Variants in DOCK10 observed in about 807,000 individuals in gnomAD.
The protein encoded by DOCK10 is dedicator of cytokinesis protein 10.
Under a neutral mutation model 280.1 loss-of-function variants are expected in DOCK10, and 145 were observed. That is an observed-to-expected ratio of 0.52 (90% confidence interval 0.45 to 0.59). The LOEUF (loss-of-function observed/expected upper bound fraction) is 0.59, where lower values mean the gene tolerates loss of function less well. Among genes scored for constraint, DOCK10 ranks in the 20% least tolerant of loss-of-function variants. DOCK10 has a pLI of 0.00. For missense variants in DOCK10, 2,368 were observed against 2,651.7 expected, an observed-to-expected ratio of 0.89 and a Z score of 2.35; for synonymous variants, 915 against 942.2, an observed-to-expected ratio of 0.97 and a Z score of 0.53.
At chr2:224,942,184 A>AGG (rs1703130238) in intron 1 of DOCK10, among the ~76,000 whole-genome samples, 1 of 152,210 alleles carries the variant, frequency 6.6e-6, no homozygotes, top group African/African-American at 2.4e-5. Context: ...GTTAAATTAC[A>AGG]GGTACCCCTC....
In DOCK10 at chr2:224,794,999, G is replaced by A. The variant is rs781765061; in HGVS notation, c.5034C>T (p.Pro1678=). 26 of 1,613,774 alleles carry A rather than the reference G, an allele frequency of 1.6e-5. No individual in the cohort carries two copies. The highest frequency in any genetic ancestry group is 3.3e-4 in the Middle Eastern group (2 of 6,084). The change falls in exon 45 of 56, where the codon CCC becomes CCT. Residue 1678 remains proline, a synonymous_variant. Coordinates refer to ENST00000258390, the MANE Select transcript of DOCK10 (RefSeq NM_014689.3). ...TAQMKEHEKD[P]EMLVDLQYSL... is the part of the protein sequence containing the mutation. ...TGTACTGGAGATCCACCAGCATCTC[G>A]GGGTCCTTCTCGTGCTCCTTCATCT...
At chr2:224,955,052 C>T (rs915832819) in intron 1 of DOCK10, among the ~76,000 whole-genome samples, 2 of 152,144 alleles carry the variant, frequency 1.3e-5, no homozygotes, top group Non-Finnish European at 2.9e-5. Context: ...TGGCTTGGAG[C>T]CTACTCCAGC....
At chr2:225,033,480 G>A (rs1219294601) in intron 1 of DOCK10, among the ~76,000 whole-genome samples, 1 of 152,206 alleles carries the variant, frequency 6.6e-6, no homozygotes, top group Non-Finnish European at 1.5e-5. Context: ...ACTGTGCCCA[G>A]CTGCGACTGT....
intron 1 of DOCK10, among the ~76,000 whole-genome samples, chr2:225,040,446 C>A (rs775450228): frequency 6.6e-6 from 1 of 151,414 alleles, no homozygotes; most frequent in Non-Finnish European, 1.5e-5. Context: ...TTAAAGACAG[C>A]GAGCTTATTC....
At chr2:224,855,064 G>C (rs1186754884) in intron 15 of DOCK10, 22 bp from the exon 16 acceptor site, 28 of 575,458 alleles carry the variant, frequency 4.9e-5, no homozygotes, top group Middle Eastern at 2.9e-4. Flanking sequence ...CATGAGCAAG[G>C]ACACACACAC....
rs1699292177 is a variant in DOCK10 at position 224,886,509 on chromosome 2, G to A, written c.439C>T (p.Leu147Phe). The change falls in exon 5 of 56, where the codon CTT becomes TTT. Residue 147 changes from leucine (L) to phenylalanine (F), a missense_variant. Around this residue, in one of 2 missense-constraint regions of DOCK10, gnomAD observed 1,209 missense variants for 1,250.9 expected, o/e 0.97. Coordinates refer to ENST00000258390, the MANE Select transcript of DOCK10 (RefSeq NM_014689.3). ...LPRAEYKPEKLPSHSFEIDHE... is the reference protein window; with the variant it reads ...LPRAEYKPEKFPSHSFEIDHE... ...TCAATCTCAAAGGAATGTGAAGGAA[G>A]CTTCTCTGGTTTGTATTCTGCTCTG... 2.5e-6 allele frequency: 4 copies of A among 1,608,558 alleles called. No homozygotes were observed. In the East Asian group the frequency reaches 8.9e-5, roughly 36 times the overall value.
chr2:225,040,119 TC>T (rs1447107975), intron 1 of DOCK10, among the ~76,000 whole-genome samples: 1 of 152,188 alleles, frequency 6.6e-6, no homozygotes, highest in East Asian at 1.9e-4. Context: ...AAGATTAGTC[TC>T]TACCACATAG....
At chr2:224,796,255 A>G (rs933823779) in intron 44 of DOCK10, 61 bp downstream of exon 44, 24 of 1,050,124 alleles carry the variant, frequency 2.3e-5, no homozygotes, top group Non-Finnish European at 3.4e-5. Context: ...ATATCTCACA[A>G]AAAGAATCCA....
At chr2:224,934,696 G>A (rs998547354) in intron 1 of DOCK10, among the ~76,000 whole-genome samples, 1 of 152,218 alleles carries the variant, frequency 6.6e-6, no homozygotes, top group Non-Finnish European at 1.5e-5. Context: ...AGTGAAACTG[G>A]GGACTGAGCA....
rs570293611 is a variant in DOCK10 at position 224,961,942 on chromosome 2, A to G, written c.124-30274T>C. Among the ~76,000 whole-genome samples, 16 of 152,332 alleles carry G rather than the reference A, an allele frequency of 1.1e-4. No homozygotes were observed. In the South Asian group the frequency reaches 3.1e-3, roughly 30 times the overall value. ...TTTAGCATAAGAAGATGTCAGTGAC[A>G]TCTTCTCCAGGGGGTACAGGAATTG... On this transcript the variant is annotated intron_variant, in intron 1 of 55. Coordinates refer to ENST00000258390, the MANE Select transcript of DOCK10 (RefSeq NM_014689.3).
At chr2:224,784,064 C>T (rs1471178074) in intron 50 of DOCK10, among the ~76,000 whole-genome samples, 1 of 152,084 alleles carries the variant, frequency 6.6e-6, no homozygotes, top group Non-Finnish European at 1.5e-5. Flanking sequence ...GCTCTGGGTA[C>T]TGGCAGGTTA....
intron 27 of DOCK10, among the ~76,000 whole-genome samples, chr2:224,826,595 T>A (rs1001934227): frequency 1.4e-4 from 21 of 152,066 alleles, no homozygotes; most frequent in African/African-American, 4.6e-4. Flanking sequence ...TGGTGTCAAA[T>A]GATAATATCA....
intron 7 of DOCK10, among the ~76,000 whole-genome samples, chr2:224,883,391 T>A (rs1699088301): frequency 6.6e-6 from 1 of 152,184 alleles, no homozygotes. Flanking sequence ...AAGACATAGA[T>A]AAATTAACAC....
intron 1 of DOCK10, among the ~76,000 whole-genome samples, chr2:224,985,139 T>C (rs1705936791): frequency 6.6e-6 from 1 of 152,228 alleles, no homozygotes; most frequent in South Asian, 2.1e-4. Flanking sequence ...ACGGCCTTAC[T>C]AATAAATGAC....
intron 1 of DOCK10, among the ~76,000 whole-genome samples, chr2:225,020,369 G>C (rs559910162): frequency 6.6e-6 from 1 of 152,296 alleles, no homozygotes; most frequent in South Asian, 2.1e-4. Context: ...AAAATGTGGT[G>C]AACACACTGG....
rs1699234117 is a variant in DOCK10 at position 224,885,666 on chromosome 2, C to T, written c.747+5G>A. 6.3e-7 allele frequency: 1 copy of T among 1,588,518 alleles called. No individual in the cohort carries two copies. Among genetic ancestry groups the T allele is most frequent in the Non-Finnish European group, 8.5e-7 (1 of 1,169,736 alleles). On this transcript the variant is annotated splice_donor_5th_base_variant and intron_variant, in intron 7 of 55. Coordinates refer to ENST00000258390, the MANE Select transcript of DOCK10 (RefSeq NM_014689.3). ...TCCCAAGGAGGAAAAGGGATGTCTA[C>T]TCACCTGCACCACTCCTGTACAGGA... is the stretch of plus-strand genomic sequence containing the variant.
At position 224,864,553 on chromosome 2, in the gene DOCK10, C is replaced by T. The variant is rs868503954; in HGVS notation, c.1602G>A (p.Lys534=). ...EPYIKNPDSN[K]YAQKILKSNR... ...AGTTATTTATAAGATTATACATTAC[C>T]TTGTTGGAGTCTGGGTTCTTAATAT... The change falls in exon 13 of 56, where the codon AAG becomes AAA. Residue 534 remains lysine (K), a splice_region_variant and synonymous_variant. Coordinates refer to ENST00000258390, the MANE Select transcript of DOCK10 (RefSeq NM_014689.3). 3 of 1,586,632 alleles carry T rather than the reference C, an allele frequency of 1.9e-6. No individual in the cohort carries two copies. In the African/African-American group the frequency reaches 4.1e-5, roughly 22 times the overall value.
intron 39 of DOCK10, among the ~76,000 whole-genome samples, chr2:224,802,958 T>C (rs1009071951): frequency 1.3e-5 from 2 of 152,140 alleles, no homozygotes; most frequent in African/African-American, 4.8e-5. Context: ...GATGAGACTT[T>C]GGCTTTCAAT....
rs571644087 is a variant in DOCK10, at chr2:224,889,482, G to A, written c.417-2951C>T. Among the ~76,000 whole-genome samples the A allele has an allele frequency of 9.2e-5, 14 of 152,302 alleles. No individual in the cohort carries two copies. The South Asian group carries it at 2.9e-3, about 32-fold the overall frequency. ...ATCATTGTAATCACTTTCAAGAGAT[G>A]GTATTAGAAGCCTGCATTTAGGAAA... On this transcript the variant is annotated intron_variant, in intron 4 of 55. Coordinates refer to ENST00000258390, the MANE Select transcript of DOCK10 (RefSeq NM_014689.3).
Sources: gnomAD v4.1 joint callset for allele counts (sites outside exome capture counted in the v4.1 genomes callset) on GRCh38, gnomAD v4.1.1 for gene constraint, gnomAD v4.1.1 regional missense constraint, MANE v1.5 for transcripts, NCBI Gene and HGNC (gene_info 2026-07-23, HGNC 2026-07-21) for gene names.